TMOD1: variants seen among roughly 807,000 people sequenced by gnomAD.
TMOD1 encodes tropomodulin 1.
Under a neutral mutation model 40.6 loss-of-function variants are expected in TMOD1, and 17 were observed. The ratio of observed to expected loss-of-function variants is 0.42; its 90% CI spans 0.29 to 0.63. TMOD1 has a LOEUF of 0.63. TMOD1 is among the 20% of genes least tolerant of loss of function. The probability of loss-of-function intolerance (pLI) is 0.22; values close to 1 mark genes in which losing one functional copy is unlikely to be tolerated. For missense variants in TMOD1, 391 were observed against 447.6 expected (o/e 0.87, Z 1.14); for synonymous variants, 181 against 175.0 (o/e 1.03, Z -0.27).
At chr9:97,525,730 A>G (rs1564232305) in intron 2 of TMOD1, among the ~76,000 whole-genome samples, 1 of 152,222 alleles carries the variant, frequency 6.6e-6, no homozygotes, top group Admixed American at 6.5e-5. Context: ...TCTCCTTGGT[A>G]GTCAGCATCT....
chr9:97,588,419 C>T (rs1825926368), intron 8 of TMOD1, among the ~76,000 whole-genome samples: 2 of 152,154 alleles, frequency 1.3e-5, no homozygotes, highest in Non-Finnish European at 2.9e-5. Context: ...ATCCTTTGCT[C>T]ATTTATAAAT....
At chr9:97,567,313 C>A (rs1042387552) in intron 7 of TMOD1, among the ~76,000 whole-genome samples, 1 of 152,214 alleles carries the variant, frequency 6.6e-6, no homozygotes, top group South Asian at 2.1e-4. Context: ...GTTTTTTGGG[C>A]ATGGACTCTG....
At position 97,513,246 on chromosome 9, in the gene TMOD1, G is replaced by A. The variant is rs1005394610; in HGVS notation, c.-48-10895G>A. Reference sequence around the variant, plus strand: ...AGGAAGGTGAAGGAAACCGGTTATCGAGCTGTATCATCCCTTCTCTCATGT... The same window carrying A: ...AGGAAGGTGAAGGAAACCGGTTATCAAGCTGTATCATCCCTTCTCTCATGT... On this transcript the variant is annotated intron_variant, in intron 1 of 9. Transcript: ENST00000259365. This position sits in a 1 kb window ranked among gnomAD's most constrained non-coding sequence, Gnocchi z 4.1. 1 of 152,204 alleles carries A rather than the reference G, an allele frequency of 6.6e-6. No homozygotes were observed. Among genetic ancestry groups the A allele is most frequent in the African/African-American group, 2.4e-5 (1 of 41,430 alleles). 9.4% of individuals were successfully genotyped at this position (152,204 alleles called of 1,614,324 possible). A position where few individuals can be genotyped will look rare whatever the true frequency, so the allele number is the denominator to read the frequency against.
rs1024173209 is a variant in TMOD1, at chr9:97,582,813, G to T, written c.871-8478G>T. On this transcript the variant is annotated intron_variant, in intron 8 of 9. Transcript: ENST00000259365. Reference sequence around the variant, plus strand: ...TTGGCTCTCTGTTTGTCTGTTATTGGTGTATAAGAATGCTTGTGATTTTTG... The same window carrying T: ...TTGGCTCTCTGTTTGTCTGTTATTGTTGTATAAGAATGCTTGTGATTTTTG... Among the ~76,000 whole-genome samples, 29 of 139,474 alleles carry T rather than the reference G, an allele frequency of 2.1e-4. No homozygotes were observed. In the South Asian group the frequency reaches 6.8e-3, roughly 33 times the overall value. The allele number at this position is 139,474 out of a possible 152,430, so 91.5% of individuals were successfully genotyped here. A position where few individuals can be genotyped will look rare whatever the true frequency, so the allele number is the denominator to read the frequency against.
In TMOD1 at chr9:97,601,427, G is replaced by A; in HGVS notation, c.*1729G>A. On this transcript the variant is annotated 3_prime_UTR_variant, in exon 10 of 10. Transcript: ENST00000259365. ...TCAAATGTCACCGAGCTTATATGAA[G>A]CTCCCAGAGAGAACATTTAAAAGCT... is the stretch of plus-strand genomic sequence containing the variant. 1 of 1,027,784 alleles carries A rather than the reference G, an allele frequency of 9.7e-7. No individual in the cohort carries two copies. The highest frequency in any genetic ancestry group is 1.2e-6 in the Non-Finnish European group (1 of 854,544). 63.7% of individuals were successfully genotyped at this position (1,027,784 alleles called of 1,614,324 possible). A position where few individuals can be genotyped will look rare whatever the true frequency, so the allele number is the denominator to read the frequency against.
intron 1 of TMOD1, among the ~76,000 whole-genome samples, chr9:97,518,864 C>T (rs534459828): frequency 6.6e-6 from 1 of 152,284 alleles, no homozygotes; most frequent in South Asian, 2.1e-4. Context: ...ACATAAAATC[C>T]CTTTGGCCAA....
At chr9:97,596,435 TAGAGA>T (rs1826112577) in intron 9 of TMOD1, among the ~76,000 whole-genome samples, 1 of 152,232 alleles carries the variant, frequency 6.6e-6, no homozygotes, top group South Asian at 2.1e-4. Context: ...TACTGTGTGT[TAGAGA>T]CTGTTCTGAA....
chr9:97,601,720 T>A lies in TMOD1; in HGVS notation c.*2022T>A. ...TAAAGGAATGGGTGTGGCTGTTCAA[T>A]AAACTATACAGTTGACCCTTGAACA... On this transcript the variant is annotated 3_prime_UTR_variant, in exon 10 of 10. Transcript: ENST00000259365. 6.3e-6 allele frequency: 2 copies of A among 315,670 alleles called. No individual in the cohort carries two copies. The highest frequency in any genetic ancestry group is 9.2e-6 in the Non-Finnish European group (2 of 217,392). The allele number at this position is 315,670 out of a possible 1,614,324, so 19.6% of individuals were successfully genotyped here.
chr9:97,575,817 C>T (rs1457466952), intron 8 of TMOD1, among the ~76,000 whole-genome samples: 1 of 152,188 alleles, frequency 6.6e-6, no homozygotes, highest in Admixed American at 6.5e-5. Flanking sequence ...TGATCTCTTT[C>T]TCATCTGATG....
At chr9:97,544,009 TA>T (rs957781295) in intron 2 of TMOD1, among the ~76,000 whole-genome samples, 16 of 152,246 alleles carry the variant, frequency 1.1e-4, no homozygotes, top group African/African-American at 3.8e-4. Context: ...TGTCCTCTCA[TA>T]AAAAGCTCCA....
intron 2 of TMOD1, among the ~76,000 whole-genome samples, chr9:97,543,822 C>T (rs1830312228): frequency 6.6e-6 from 1 of 152,218 alleles, no homozygotes; most frequent in Non-Finnish European, 1.5e-5. Flanking sequence ...GAAGTCCCAT[C>T]AAACCTGGGA....
chr9:97,566,850 G>A (rs1236971585), intron 7 of TMOD1, among the ~76,000 whole-genome samples: 2 of 105,068 alleles, frequency 1.9e-5, no homozygotes, highest in African/African-American at 5.4e-5. Flanking sequence ...TATGTATTGA[G>A]AGTCTCTCTG....
At chr9:97,549,649 T>C (rs1830417844) in intron 3 of TMOD1, among the ~76,000 whole-genome samples, 1 of 152,214 alleles carries the variant, frequency 6.6e-6, no homozygotes, top group African/African-American at 2.4e-5. Context: ...GTAATTGATA[T>C]TTGCTGTAAA....
In TMOD1 at chr9:97,514,939, T is replaced by C. The variant is rs190829312; in HGVS notation, c.-48-9202T>C. Among the ~76,000 whole-genome samples, 18 of 152,330 alleles carry C rather than the reference T, an allele frequency of 1.2e-4. No individual in the cohort carries two copies. The East Asian group carries it at 3.5e-3, about 29-fold the overall frequency. On this transcript the variant is annotated intron_variant, in intron 1 of 9. Transcript: ENST00000259365. The stretch of plus-strand genomic sequence containing the variant: ...TTCCTGGCCCTGCCCTAGGGCAGGA[T>C]GTGTCGGTCCTGGGTGTGATAAGAG...
intron 8 of TMOD1, among the ~76,000 whole-genome samples, chr9:97,580,153 C>T (rs2773357): frequency 0.39 from 59,257 of 151,970 alleles, 11,944 homozygotes; most frequent in Middle Eastern, 0.52. Flanking sequence ...GGGCACGAGG[C>T]AGGGCCTGGG....
chr9:97,591,612 G>A (rs1177822039), intron 9 of TMOD1, among the ~76,000 whole-genome samples, 177 bp downstream of exon 9: 1 of 152,130 alleles, frequency 6.6e-6, no homozygotes, highest in African/African-American at 2.4e-5. Flanking sequence ...CCTGGACTAC[G>A]AGCTCCTTGA....
At chr9:97,580,760 C>A (rs890879185) in intron 8 of TMOD1, among the ~76,000 whole-genome samples, 3 of 152,092 alleles carry the variant, frequency 2.0e-5, no homozygotes, top group Non-Finnish European at 2.9e-5. Context: ...CGAAATATTT[C>A]CATCACAGGG....
chr9:97,548,628 AC>A (rs1473977701), intron 3 of TMOD1, among the ~76,000 whole-genome samples: 2 of 152,164 alleles, frequency 1.3e-5, no homozygotes, highest in Admixed American at 1.3e-4. Flanking sequence ...TCTGAACGGT[AC>A]AGAAATCAGT....
In TMOD1 at chr9:97,564,078, A is replaced by C. The variant is rs767201303; in HGVS notation, c.528A>C (p.Glu176Asp). Residue 176 changes from glutamate (E) to aspartate (D), a missense_variant, in exon 6 of 10, where the codon GAA (glutamate) becomes GAC (aspartate). Glu to Asp is a conservative substitution (Grantham distance 45). Coordinates refer to ENST00000259365, the MANE Select transcript of TMOD1 (RefSeq NM_003275.4). ...KPTQYKPVPD[E>D]EPNSTDVEET... ...CACAATACAAGCCTGTGCCCGACGAAGAACCAAATTCAACAGACGTAGAGG... is the reference window on the plus strand; with the variant it reads ...CACAATACAAGCCTGTGCCCGACGACGAACCAAATTCAACAGACGTAGAGG... The C allele has an allele frequency of 8.7e-6, 14 of 1,614,102 alleles. No homozygotes were observed. Among genetic ancestry groups the C allele is most frequent in the Non-Finnish European group, 1.1e-5 (13 of 1,180,044 alleles).
Sources: allele counts gnomAD v4.1 joint callset (sites outside exome capture counted in the v4.1 genomes callset), GRCh38; gene constraint gnomAD v4.1.1; non-coding constraint Gnocchi (gnomAD v3.1); transcripts MANE v1.5; gene names NCBI Gene and HGNC (gene_info 2026-07-23, HGNC 2026-07-21).